The following PXK variants were observed in gnomAD, a reference collection of about 807,000 sequenced individuals.
PXK encodes the protein PX domain-containing protein kinase-like protein.
Under a neutral mutation model 84.7 loss-of-function variants are expected in PXK, and 35 were observed. That is an observed-to-expected ratio of 0.41 (90% confidence interval 0.32 to 0.55). PXK has a LOEUF of 0.55. Ranked by LOEUF, PXK falls within the 20% of genes least tolerant of loss-of-function variation. PXK has a pLI of 0.21. For missense variants in PXK, 634 were observed against 699.7 expected, an observed-to-expected ratio of 0.91 and a Z score of 1.06; for synonymous variants, 253 against 260.8, an observed-to-expected ratio of 0.97 and a Z score of 0.29.
intron 17 of PXK, chr3:58,422,997 A>G (rs1451329737): frequency 3.1e-6 from 3 of 982,488 alleles, no homozygotes; most frequent in African/African-American, 3.5e-5. Context: ...TTTTCTGGCT[A>G]TTGGGTGGGA....
At chr3:58,424,153 A>C (rs2062437525) in intron 17 of PXK, among the ~76,000 whole-genome samples, 1 of 152,196 alleles carries the variant, frequency 6.6e-6, no homozygotes. Context: ...ACCTAATAGG[A>C]AATTATTATT....
intron 17 of PXK, 73 bp from the exon 18 acceptor site, chr3:58,424,679 C>T: frequency 6.5e-7 from 1 of 1,546,134 alleles, no homozygotes; most frequent in Admixed American, 1.9e-5. Flanking sequence ...CCGTTGTGCT[C>T]AGGACTGAGC....
At chr3:58,342,450 C>G (rs2097753524) in intron 1 of PXK, among the ~76,000 whole-genome samples, 1 of 151,860 alleles carries the variant, frequency 6.6e-6, no homozygotes, top group South Asian at 2.1e-4. Flanking sequence ...GCCTAGGCAA[C>G]ATGGTGAAAC....
rs543465715 is a variant in PXK at position 58,408,224 on chromosome 3, T to C, written c.1231-700T>C. 1.4e-4 allele frequency among the ~76,000 whole-genome samples: 22 copies of C among 152,368 alleles called. No individual in the cohort carries two copies. In the South Asian group the frequency reaches 4.3e-3, roughly 30 times the overall value. On this transcript the variant is annotated intron_variant, in intron 13 of 17. Transcript: ENST00000356151. ...CTGGGCTCTCTCTTCTTCTTTTCCA[T>C]TGGTCTGTGTATCTGCCTGCATGTC... is the stretch of plus-strand genomic sequence containing the variant.
intron 3 of PXK, among the ~76,000 whole-genome samples, chr3:58,375,245 T>C (rs1377397098): frequency 6.6e-6 from 1 of 152,220 alleles, no homozygotes; most frequent in Non-Finnish European, 1.5e-5. Flanking sequence ...TATGCGGTAG[T>C]GCAGGCAAAT....
chr3:58,382,674 C>A lies in PXK; in HGVS notation c.362C>A (p.Pro121Gln). ...NCELVKKFLD[P>Q]NNYSANYTEI... is the part of the protein sequence containing the mutation. ...GAGCTGGTTAAGAAGTTTTTAGATC[C>A]AAACAACTATTCCGCAAACTATACT... Residue 121 changes from proline to glutamine, a missense_variant, in exon 4 of 18, where the codon CCA (proline) becomes CAA (glutamine). Pro to Gln is a moderately conservative substitution (Grantham distance 76). Coordinates refer to ENST00000356151, the MANE Select transcript of PXK (RefSeq NM_017771.5). 1 of 1,578,256 alleles carries A rather than the reference C, an allele frequency of 6.3e-7. No individual in the cohort carries two copies. The highest frequency in any genetic ancestry group is 2.0e-5 in the Admixed American group (1 of 50,388).
At chr3:58,376,275 C>T (rs1458307122) in intron 3 of PXK, among the ~76,000 whole-genome samples, 4 of 151,966 alleles carry the variant, frequency 2.6e-5, no homozygotes, top group Admixed American at 6.6e-5. Flanking sequence ...ATTAGCCAGG[C>T]GTGGTGGCAG....
chr3:58,358,370 A>C (rs749447923), intron 1 of PXK, among the ~76,000 whole-genome samples: 2 of 152,278 alleles, frequency 1.3e-5, no homozygotes, highest in East Asian at 3.9e-4. Flanking sequence ...GTTCCTTTAC[A>C]GGGGAAATAC....
intron 1 of PXK, among the ~76,000 whole-genome samples, chr3:58,343,874 T>G (rs1288137190): frequency 2.6e-5 from 4 of 152,230 alleles, no homozygotes; most frequent in Admixed American, 6.5e-5. Context: ...ACGGGGTACT[T>G]CTGCCTCTTG....
At chr3:58,360,040 C>G (rs549778934) in intron 1 of PXK, among the ~76,000 whole-genome samples, 26 of 152,206 alleles carry the variant, frequency 1.7e-4, no homozygotes, top group Non-Finnish European at 3.4e-4. Context: ...CCTAGCCACT[C>G]AGGAGGCTGA....
At chr3:58,415,978 C>G (rs1306677717) in intron 17 of PXK, among the ~76,000 whole-genome samples, 1 of 152,144 alleles carries the variant, frequency 6.6e-6, no homozygotes, top group Non-Finnish European at 1.5e-5. Context: ...TGCAGAAGCT[C>G]TAAGAATTTT....
chr3:58,413,170 C>T (rs1045297939), intron 17 of PXK: 20 of 616,020 alleles, frequency 3.2e-5, no homozygotes, highest in East Asian at 5.6e-5. Context: ...GGGAATGGAC[C>T]GGTTTCAGGG....
chr3:58,348,520 G>A (rs1356430646), intron 1 of PXK, among the ~76,000 whole-genome samples: 1 of 152,120 alleles, frequency 6.6e-6, no homozygotes, highest in African/African-American at 2.4e-5. Context: ...TAGTAGCCAT[G>A]TTAAAAAAGT....
At chr3:58,350,042 T>C (rs1181838876) in intron 1 of PXK, among the ~76,000 whole-genome samples, 1 of 152,184 alleles carries the variant, frequency 6.6e-6, no homozygotes, top group African/African-American at 2.4e-5. Context: ...AGGAGCACAG[T>C]GTAGAAGCAA....
chr3:58,334,302 G>A (rs2097548402), intron 1 of PXK, among the ~76,000 whole-genome samples: 1 of 152,112 alleles, frequency 6.6e-6, no homozygotes, highest in Non-Finnish European at 1.5e-5. Flanking sequence ...TTTAAAAAGG[G>A]CTATTTATTT....
In PXK at chr3:58,408,911, T is replaced by C; in HGVS notation, c.1231-13T>C. ...CCTTTTTCAATAGATGATGTACTTT[T>C]CTCTCCTTTCAGATCCCTACAAAGT... On this transcript the variant is annotated splice_polypyrimidine_tract_variant and intron_variant, in intron 13 of 17. Coordinates refer to ENST00000356151, the MANE Select transcript of PXK (RefSeq NM_017771.5). 1.3e-6 allele frequency: 2 copies of C among 1,543,286 alleles called. No homozygotes were observed. The highest frequency in any genetic ancestry group is 1.8e-6 in the Non-Finnish European group (2 of 1,116,132).
chr3:58,374,655 G>C (rs1027523480), intron 3 of PXK, among the ~76,000 whole-genome samples: 2 of 152,160 alleles, frequency 1.3e-5, no homozygotes, highest in Non-Finnish European at 2.9e-5. Flanking sequence ...GTGTGGAGGT[G>C]TCTAGGAAAT....
chr3:58,415,992 G>T (rs1441110478), intron 17 of PXK, among the ~76,000 whole-genome samples: 1 of 152,132 alleles, frequency 6.6e-6, no homozygotes, highest in Non-Finnish European at 1.5e-5. Flanking sequence ...GAATTTTGGG[G>T]TCAGTAGAAA....
chr3:58,413,033 C>T, intron 17 of PXK, 70 bp downstream of exon 17: 1 of 1,524,488 alleles, frequency 6.6e-7, no homozygotes, highest in Non-Finnish European at 9.1e-7. Context: ...GTGCCTCTTC[C>T]TGCCTTGGCC....
Sources: gnomAD v4.1 joint callset for allele counts (sites outside exome capture counted in the v4.1 genomes callset) on GRCh38, gnomAD v4.1.1 for gene constraint, MANE v1.5 for transcripts, NCBI Gene and HGNC (gene_info 2026-07-23, HGNC 2026-07-21) for gene names.